COL4A6: variants seen among roughly 807,000 people sequenced by gnomAD.
The protein encoded by COL4A6 is collagen type IV alpha 6 chain.
Under a neutral mutation model 126.7 loss-of-function variants are expected in COL4A6, and 59 were observed. That is an observed-to-expected ratio of 0.47 (90% confidence interval 0.38 to 0.58). COL4A6 has a LOEUF of 0.58. Among genes scored for constraint, COL4A6 ranks in the 20% least tolerant of loss-of-function variants. The pLI is 0.00. For missense variants in COL4A6, 1,285 were observed against 1,337.3 expected (o/e 0.96, Z 0.61); for synonymous variants, 547 against 496.6 (o/e 1.10, Z -1.35).
chrX:108,190,578 C>A, intron 19 of COL4A6, 82 bp from the exon 20 acceptor site: 1 of 555,437 alleles, frequency 1.8e-6, no homozygotes, highest in Non-Finnish European at 2.9e-6. Flanking sequence ...GCTCAATCAC[C>A]AAGGCCCAAG....
intron 2 of COL4A6, among the ~76,000 whole-genome samples, chrX:108,374,804 G>A (rs1480202009): frequency 1.8e-5 from 2 of 111,965 alleles, no homozygotes; most frequent in African/African-American, 6.5e-5. Context: ...TTAAGGGTGT[G>A]GGAGTCAGGG....
intron 2 of COL4A6, among the ~76,000 whole-genome samples, chrX:108,331,510 A>G (rs1034468323): frequency 2.4e-4 from 27 of 112,267 alleles, no homozygotes; most frequent in African/African-American, 7.4e-4. Context: ...CTGAACATTA[A>G]AAAGGTACAG....
In COL4A6 at chrX:108,421,674, C is replaced by T. The variant is rs145799193; in HGVS notation, c.63+16268G>A. On this transcript the variant is annotated intron_variant, in intron 2 of 44. Coordinates refer to ENST00000334504, the MANE Select transcript of COL4A6 (RefSeq NM_033641.4). ...ATGTAAATCTCATTAAAGCTATGGA[C>T]CTTTTCCCCAGAAAAGTCCAGACAC... Among the ~76,000 whole-genome samples the T allele has an allele frequency of 9.1e-3, 1,019 of 111,902 alleles. 30 individuals carry two copies. The highest frequency in any genetic ancestry group is 0.076 in the Admixed American group (802 of 10,531).
intron 40 of COL4A6, 67 bp from the exon 41 acceptor site, chrX:108,163,105 G>A (rs2034015406): frequency 9.7e-7 from 1 of 1,031,502 alleles, no homozygotes; most frequent in South Asian, 2.2e-5. Flanking sequence ...GGCCCCAGAA[G>A]CCTTCTTTAC....
At chrX:108,353,577 T>A (rs1470574269) in intron 2 of COL4A6, among the ~76,000 whole-genome samples, 1 of 111,664 alleles carries the variant, frequency 9.0e-6, no homozygotes, top group African/African-American at 3.3e-5. Flanking sequence ...AAGAATTTCA[T>A]TAGCTAGAGA....
intron 34 of COL4A6, 27 bp from the exon 35 acceptor site, chrX:108,170,743 C>T: frequency 8.3e-7 from 1 of 1,198,682 alleles, no homozygotes; most frequent in Non-Finnish European, 1.1e-6. Context: ...GGCAGAGGTT[C>T]AGAATGGGGC....
intron 3 of COL4A6, among the ~76,000 whole-genome samples, chrX:108,229,613 C>T (rs889167232): frequency 1.8e-5 from 2 of 112,503 alleles, no homozygotes; most frequent in East Asian, 2.8e-4. Flanking sequence ...TTTAGCATTG[C>T]ACCTTGCATA....
intron 3 of COL4A6, among the ~76,000 whole-genome samples, chrX:108,254,740 A>G (rs192330554): frequency 1.2e-3 from 136 of 110,595 alleles, no homozygotes; most frequent in African/African-American, 4.1e-3. Flanking sequence ...AGATGTGGTG[A>G]TACCAGTAGG....
intron 2 of COL4A6, among the ~76,000 whole-genome samples, chrX:108,329,797 G>A (rs1273471233): frequency 1.8e-5 from 2 of 110,923 alleles, no homozygotes; most frequent in Non-Finnish European, 3.8e-5. Flanking sequence ...AAGTTTCTGA[G>A]TTGGTAAATG....
chrX:108,418,219 C>T (rs1272161532), intron 2 of COL4A6, among the ~76,000 whole-genome samples: 7 of 112,084 alleles, frequency 6.2e-5, no homozygotes, highest in African/African-American at 1.9e-4. Flanking sequence ...TGGTTGATAT[C>T]TGTGGCTGAG....
At chrX:108,299,108 T>C (rs760633440) in intron 3 of COL4A6, among the ~76,000 whole-genome samples, 5 of 111,159 alleles carry the variant, frequency 4.5e-5, no homozygotes, top group Non-Finnish European at 7.5e-5. Context: ...GGTACCTTTG[T>C]GGTTCCTGAG....
intron 3 of COL4A6, among the ~76,000 whole-genome samples, chrX:108,292,138 A>G (rs1238105961): frequency 8.9e-6 from 1 of 112,273 alleles, no homozygotes; most frequent in Non-Finnish European, 1.9e-5. Context: ...GGTCTGAAAC[A>G]TAATTCCATT....
intron 3 of COL4A6, among the ~76,000 whole-genome samples, chrX:108,257,568 T>C (rs1012247727): frequency 1.8e-5 from 2 of 111,498 alleles, no homozygotes; most frequent in African/African-American, 3.3e-5. Flanking sequence ...GAAACTTTCT[T>C]AGAACTGTGC....
chrX:108,292,719 T>G (rs191419248), intron 3 of COL4A6, among the ~76,000 whole-genome samples: 1 of 110,206 alleles, frequency 9.1e-6, no homozygotes, highest in Non-Finnish European at 1.9e-5. Context: ...CACAGTAATC[T>G]GTTTCAATCC....
intron 2 of COL4A6, among the ~76,000 whole-genome samples, chrX:108,433,629 A>G (rs1224034524): frequency 9.1e-6 from 1 of 109,744 alleles, no homozygotes; most frequent in Non-Finnish European, 1.9e-5. Flanking sequence ...GGCTCAAGCC[A>G]TCCTCCCACC....
chrX:108,414,672 G>A (rs998349638), intron 2 of COL4A6, among the ~76,000 whole-genome samples: 47 of 108,038 alleles, frequency 4.4e-4, no homozygotes, highest in African/African-American at 1.6e-3. Context: ...CACACCTGTA[G>A]ACCTAGCCAC....
chrX:108,422,023 A>G (rs1297634149), intron 2 of COL4A6, among the ~76,000 whole-genome samples: 1 of 112,315 alleles, frequency 8.9e-6, no homozygotes. Flanking sequence ...AAGAATGCAC[A>G]TTAAAGTATT....
chrX:108,293,725 A>G (rs2038238636), intron 3 of COL4A6, among the ~76,000 whole-genome samples: 1 of 110,830 alleles, frequency 9.0e-6, no homozygotes, highest in Admixed American at 9.6e-5. Context: ...TTTTTTTTTG[A>G]TGACACCTGG....
At chrX:108,248,311 A>G (rs930095339) in intron 3 of COL4A6, among the ~76,000 whole-genome samples, 1 of 111,496 alleles carries the variant, frequency 9.0e-6, no homozygotes, top group Non-Finnish European at 1.9e-5. Flanking sequence ...ATACTGCTAC[A>G]AAAGATCAAA....
Sources: gnomAD v4.1 joint callset for allele counts (sites outside exome capture counted in the v4.1 genomes callset) on GRCh38, gnomAD v4.1.1 for gene constraint, MANE v1.5 for transcripts, NCBI Gene and HGNC (gene_info 2026-07-23, HGNC 2026-07-21) for gene names.